The following PTPRS variants were observed in gnomAD, a reference collection of about 807,000 sequenced individuals.
The protein encoded by PTPRS is receptor-type tyrosine-protein phosphatase S.
A neutral mutation model predicts 215.3 loss-of-function variants in PTPRS; 63 were observed. That is an observed-to-expected ratio of 0.29 (90% CI 0.24 to 0.36). The LOEUF (loss-of-function observed/expected upper bound fraction) is 0.36. Ranked by LOEUF, PTPRS falls within the 10% of genes least tolerant of loss-of-function variation. The probability of loss-of-function intolerance (pLI) is 1.00; values close to 1 mark genes in which losing one functional copy is unlikely to be tolerated. For synonymous variants in PTPRS, 1,404 were observed against 1,191.4 expected, an observed-to-expected ratio of 1.18 and a Z score of -3.68; for missense variants, 2,258 against 2,825.8, an observed-to-expected ratio of 0.80 and a Z score of 4.56.
intron 4 of PTPRS, among the ~76,000 whole-genome samples, chr19:5,269,282 G>C (rs957028418): frequency 6.6e-6 from 1 of 152,194 alleles, no homozygotes; most frequent in African/African-American, 2.4e-5. Context: ...CCAGGGTGCA[G>C]GGGGAGGTCT....
rs575148200 is a variant in PTPRS, at chr19:5,255,994, G to A, written c.718+114C>T. The A allele has an allele frequency of 5.6e-6, 4 of 711,442 alleles. No homozygotes were observed. The African/African-American group carries it at 7.5e-5, about 13-fold the overall frequency. The allele number at this position is 711,442 out of a possible 1,614,324, so 44.1% of individuals were successfully genotyped here. ...GTTCATTTTTCTATTTTTTTTCCGT[G>A]TGTGTGTCAGCGTGTGTCCGTGTGG... On this transcript the variant is annotated intron_variant, in intron 9 of 37. Coordinates refer to ENST00000262963, the MANE Select transcript of PTPRS (RefSeq NM_002850.4).
chr19:5,298,082 C>T (rs2049193609), intron 1 of PTPRS, among the ~76,000 whole-genome samples: 1 of 152,144 alleles, frequency 6.6e-6, no homozygotes, highest in Admixed American at 6.5e-5. Context: ...GCGTGAGCCA[C>T]AGCGCCCGGC....
chr19:5,320,762 G>A (rs2050005050), intron 1 of PTPRS, among the ~76,000 whole-genome samples: 1 of 152,088 alleles, frequency 6.6e-6, no homozygotes, highest in Admixed American at 6.5e-5. Context: ...TCCTCATGCT[G>A]AGCCCAGCCC....
intron 16 of PTPRS, among the ~76,000 whole-genome samples, chr19:5,226,588 A>T (rs987949131): frequency 4.3e-4 from 65 of 151,592 alleles, no homozygotes; most frequent in Non-Finnish European, 8.0e-4. Flanking sequence ...AAAAAAAAAA[A>T]AAAAAAGCAA....
At chr19:5,229,171 G>T in intron 16 of PTPRS, 145 bp downstream of exon 16, 2 of 950,114 alleles carry the variant, frequency 2.1e-6, no homozygotes, top group Non-Finnish European at 1.4e-6. Context: ...GCTCCAAGAG[G>T]TAATGGGAGA....
intron 37 of PTPRS, 136 bp downstream of exon 37, chr19:5,207,786 G>C: frequency 7.8e-7 from 1 of 1,282,660 alleles, no homozygotes; most frequent in Non-Finnish European, 1.1e-6. Flanking sequence ...AGTGCGGGAG[G>C]GGTCTGTGGA....
rs936839567 is a variant in PTPRS, at chr19:5,260,907, C to T, written c.578-85G>A. On this transcript the variant is annotated intron_variant, in intron 6 of 37. Coordinates refer to ENST00000262963, the MANE Select transcript of PTPRS (RefSeq NM_002850.4). ...GGGCCCCAGGGAAGCTGGGCTGGGC[C>T]GTAAGCCAGGCCTCAGCACTCTGCC... 31 of 1,500,928 alleles carry T rather than the reference C, an allele frequency of 2.1e-5. No homozygotes were observed. The Admixed American group carries it at 2.5e-4, about 12-fold the overall frequency. 93.0% of individuals were successfully genotyped at this position (1,500,928 alleles called of 1,614,324 possible).
intron 1 of PTPRS, among the ~76,000 whole-genome samples, chr19:5,312,399 A>G (rs1600100624): frequency 1.3e-5 from 2 of 151,864 alleles, no homozygotes; most frequent in East Asian, 3.9e-4. Context: ...GGTGGCTCAC[A>G]CCTGTACCCT....
In PTPRS at chr19:5,206,796, C is replaced by T; in HGVS notation, c.5825G>A (p.Ser1942Asn). ...CYQAALEYLGSFDHYAT is the reference protein window; with the variant it reads ...CYQAALEYLGNFDHYAT The stretch of plus-strand genomic sequence containing the variant: ...GCTTTAGGTTGCATAGTGGTCAAAG[C>T]TTCCGAGGTACTCCAGTGCCGCCTG... Residue 1942 changes from serine to asparagine, a missense_variant, in exon 38 of 38, where the codon AGC (serine) becomes AAC (asparagine). Coordinates refer to ENST00000262963, the MANE Select transcript of PTPRS (RefSeq NM_002850.4). 6.2e-7 allele frequency: 1 copy of T among 1,614,110 alleles called. No homozygotes were observed. Among genetic ancestry groups the T allele is most frequent in the East Asian group, 2.2e-5 (1 of 44,884 alleles).
At chr19:5,305,857 G>A (rs1401408163) in intron 1 of PTPRS, among the ~76,000 whole-genome samples, 3 of 133,780 alleles carry the variant, frequency 2.2e-5, no homozygotes, top group East Asian at 2.3e-4. Context: ...GGAGAATGGC[G>A]TGAACCCGGA....
chr19:5,226,401 G>A (rs1307550992), intron 16 of PTPRS, among the ~76,000 whole-genome samples: 2 of 152,192 alleles, frequency 1.3e-5, no homozygotes, highest in African/African-American at 4.8e-5. Context: ...CAGGAATTTT[G>A]TGAGCCACTT....
chr19:5,266,280 A>AAAAAT (rs2046392618), intron 4 of PTPRS, among the ~76,000 whole-genome samples: 1 of 151,984 alleles, frequency 6.6e-6, no homozygotes, highest in Non-Finnish European at 1.5e-5. Flanking sequence ...AACTAAAAAT[A>AAAAAT]AAAATAAAAT....
At chr19:5,213,531 G>A (rs1287366844) in intron 30 of PTPRS, among the ~76,000 whole-genome samples, 4 of 152,218 alleles carry the variant, frequency 2.6e-5, no homozygotes, top group African/African-American at 9.7e-5. Context: ...TTTCATAGTT[G>A]TGGTCTGTGT....
At position 5,295,447 on chromosome 19, in the gene PTPRS, T is replaced by TG. The variant is rs2049106929; in HGVS notation, c.-94-9214dup. 2.0e-5 allele frequency among the ~76,000 whole-genome samples: 3 copies of TG among 152,214 alleles called. No homozygotes were observed. In the East Asian group the frequency reaches 5.8e-4, roughly 30 times the overall value. On this transcript the variant is annotated intron_variant, in intron 1 of 37. Transcript: ENST00000262963. This position sits in a 1 kb window ranked among gnomAD's most constrained non-coding sequence, Gnocchi z 4.6. ...GGGGACACAGCCACCCCCGAGGGGCTGGGGGAGGTGGGCCAGGTGCCCTCC... is the reference window on the plus strand; with the variant it reads ...GGGGACACAGCCACCCCCGAGGGGCTGGGGGGAGGTGGGCCAGGTGCCCTCC...
At chr19:5,264,045 A>G (rs1260278480) in intron 5 of PTPRS, among the ~76,000 whole-genome samples, 1 of 152,170 alleles carries the variant, frequency 6.6e-6, no homozygotes, top group Non-Finnish European at 1.5e-5. Context: ...GTGGAGACAC[A>G]ATGGTGGAAC....
At chr19:5,213,241 G>A (rs2145093649) in intron 30 of PTPRS, among the ~76,000 whole-genome samples, 1 of 152,166 alleles carries the variant, frequency 6.6e-6, no homozygotes, top group East Asian at 1.9e-4. Flanking sequence ...TGTCCTCCCT[G>A]CAGCAGCCAG....
chr19:5,220,592 C>T (rs1252250931), intron 20 of PTPRS, among the ~76,000 whole-genome samples: 1 of 152,206 alleles, frequency 6.6e-6, no homozygotes, highest in East Asian at 1.9e-4. Flanking sequence ...TGTTAAACTC[C>T]TATACATCCT....
chr19:5,234,231 C>G (rs2145735795), intron 13 of PTPRS, among the ~76,000 whole-genome samples: 1 of 152,220 alleles, frequency 6.6e-6, no homozygotes, highest in Non-Finnish European at 1.5e-5. Context: ...AAAGCCCATC[C>G]CAAAAGCTTA....
chr19:5,244,739 G>A lies in PTPRS; in HGVS notation c.989-257C>T, dbSNP rs559848107. On this transcript the variant is annotated intron_variant, in intron 10 of 37. Coordinates refer to ENST00000262963, the MANE Select transcript of PTPRS (RefSeq NM_002850.4). This position sits in a 1 kb window ranked among gnomAD's most constrained non-coding sequence, Gnocchi z 7.2. Reference sequence around the variant, plus strand: ...CTGTCACCCACAGTGGCACGATCTCGGCTCACTGCAAGCTCCGTCTCCCGG... The same window carrying A: ...CTGTCACCCACAGTGGCACGATCTCAGCTCACTGCAAGCTCCGTCTCCCGG... Among the ~76,000 whole-genome samples, 5 of 152,128 alleles carry A rather than the reference G, an allele frequency of 3.3e-5. No individual in the cohort carries two copies. Among genetic ancestry groups the A allele is most frequent in the Admixed American group, 1.3e-4 (2 of 15,274 alleles).
Sources: allele counts gnomAD v4.1 joint callset (sites outside exome capture counted in the v4.1 genomes callset), GRCh38; gene constraint gnomAD v4.1.1; non-coding constraint Gnocchi (gnomAD v3.1); transcripts MANE v1.5; gene names NCBI Gene and HGNC (gene_info 2026-07-23, HGNC 2026-07-21).